Variants in RAB7B observed in about 807,000 individuals in gnomAD.
RAB7B encodes ras-related protein Rab-7b.
intron 4 of RAB7B, among the ~76,000 whole-genome samples, chr1:205,985,969 A>G (rs1660598218): frequency 1.3e-5 from 2 of 152,270 alleles, no homozygotes; most frequent in Non-Finnish European, 2.9e-5. Context: ...ACTTGCCCAG[A>G]GTATGTGAGG....
rs1031429357 is a variant in RAB7B at position 205,992,568 on chromosome 1, C to T, written c.308G>A (p.Arg103Gln). The T allele has an allele frequency of 1.5e-5, 6 of 398,590 alleles. No homozygotes were observed. Among genetic ancestry groups the T allele is most frequent in the East Asian group, 3.6e-5 (1 of 28,094 alleles). 24.7% of individuals were successfully genotyped at this position (398,590 alleles called of 1,614,324 possible). Reference sequence around the variant, plus strand: ...GACAATCTTGGCCAGGACATCACCCCGCCAGATATCCAGGGCTTCAAAAGA... The same window carrying T: ...GACAATCTTGGCCAGGACATCACCCTGCCAGATATCCAGGGCTTCAAAAGA... ...LESFEALDIW[R>Q]GDVLAKIVPM... Residue 103 changes from arginine to glutamine, a missense_variant, in exon 4 of 6, where the codon CGG (arginine) becomes CAG (glutamine). Physicochemically the swap from Arg to Gln is conservative, Grantham distance 43 (BLOSUM62 1). Coordinates refer to ENST00000617070, the MANE Select transcript of RAB7B (RefSeq NM_001164522.3).
At chr1:205,988,031 T>C (rs1227719081) in intron 4 of RAB7B, among the ~76,000 whole-genome samples, 1 of 152,048 alleles carries the variant, frequency 6.6e-6, no homozygotes, top group Non-Finnish European at 1.5e-5. Context: ...AGATAAAATG[T>C]ACCTGGCTCA....
At chr1:205,982,181 T>C (rs898029245) in intron 5 of RAB7B, among the ~76,000 whole-genome samples, 1 of 152,214 alleles carries the variant, frequency 6.6e-6, no homozygotes, top group Admixed American at 6.5e-5. Context: ...ATTATCCCTT[T>C]CTCTCATGAA....
At chr1:205,983,756 A>G (rs1359700310) in intron 5 of RAB7B, 24 of 150,956 alleles carry the variant, frequency 1.6e-4, no homozygotes, top group Admixed American at 1.6e-3. Flanking sequence ...ATTGCTACCC[A>G]TTTATTCTTT....
At chr1:205,997,426 C>A (rs969441741) in intron 1 of RAB7B, among the ~76,000 whole-genome samples, 3,812 of 152,056 alleles carry the variant, frequency 0.025, 153 homozygotes, top group African/African-American at 0.087. Context: ...ATAACCAAAG[C>A]CTTGGGAAGA....
chr1:205,990,757 G>GC (rs1310582237), intron 4 of RAB7B, among the ~76,000 whole-genome samples: 2 of 151,640 alleles, frequency 1.3e-5, no homozygotes, highest in African/African-American at 4.8e-5. Flanking sequence ...CACCTCTCAG[G>GC]CCAGAGAGTG....
At position 205,978,877 on chromosome 1, in the gene RAB7B, C is replaced by G. The variant is rs1660434739; in HGVS notation, c.574G>C (p.Asp192His). ...HLTESIKLSP[D>H]QSRSRCC ...CAGCAGCATCTGCTCCTTGACTGGTCTGGCGAGAGCTTGATGGATTCTGTG... is the reference window on the plus strand; with the variant it reads ...CAGCAGCATCTGCTCCTTGACTGGTGTGGCGAGAGCTTGATGGATTCTGTG... The change falls in exon 6 of 6, where the codon GAC becomes CAC. Residue 192 changes from aspartate (D) to histidine (H), a missense_variant. Transcript: ENST00000617070. 1 of 398,590 alleles carries G rather than the reference C, an allele frequency of 2.5e-6. No homozygotes were observed. Among genetic ancestry groups the G allele is most frequent in the Admixed American group, 4.4e-5 (1 of 22,712 alleles). 24.7% of individuals were successfully genotyped at this position (398,590 alleles called of 1,614,324 possible). A position where few individuals can be genotyped will look rare whatever the true frequency, so the allele number is the denominator to read the frequency against.
At chr1:205,989,510 T>C in intron 4 of RAB7B, among the ~76,000 whole-genome samples, 1 of 152,090 alleles carries the variant, frequency 6.6e-6, no homozygotes, top group Non-Finnish European at 1.5e-5. Flanking sequence ...CCTCTCATGG[T>C]AGCCTCAGAA....
chr1:205,998,065 G>A (rs1445475286), intron 1 of RAB7B, among the ~76,000 whole-genome samples: 1 of 152,190 alleles, frequency 6.6e-6, no homozygotes, highest in Non-Finnish European at 1.5e-5. Context: ...ATCAAAGGCT[G>A]AGAAGGCAGG....
In RAB7B at chr1:206,003,307, C is replaced by G. The variant is rs889623419; in HGVS notation, c.-71G>C. The G allele has an allele frequency of 9.2e-5, 14 of 152,406 alleles. No individual in the cohort carries two copies. The East Asian group carries it at 2.7e-3, about 29-fold the overall frequency. The allele number at this position is 152,406 out of a possible 1,614,324, so 9.4% of individuals were successfully genotyped here. On this transcript the variant is annotated 5_prime_UTR_variant, in exon 1 of 6. Transcript: ENST00000617070. ...CTCTGAGGGCAGCTGGGAGTCCTCT[C>G]TCAGTCTGGTGGTCTCTTCTTAGAG...
intron 4 of RAB7B, among the ~76,000 whole-genome samples, chr1:205,985,890 A>G (rs1660596903): frequency 2.0e-5 from 2 of 100,210 alleles, no homozygotes; most frequent in South Asian, 7.4e-4. Flanking sequence ...AACTTTACAT[A>G]TAAATGTAGG....
chr1:206,001,061 G>A (rs928476525), intron 1 of RAB7B, among the ~76,000 whole-genome samples: 1 of 152,164 alleles, frequency 6.6e-6, no homozygotes, highest in African/African-American at 2.4e-5. Context: ...TATCCTAGAA[G>A]GGCAGGAGTT....
At chr1:206,002,620 T>C (rs1189722555) in intron 1 of RAB7B, among the ~76,000 whole-genome samples, 3 of 152,206 alleles carry the variant, frequency 2.0e-5, no homozygotes, top group Admixed American at 1.3e-4. Context: ...TATTAATACA[T>C]AATACCTAGC....
chr1:205,988,735 G>T (rs1660661846), intron 4 of RAB7B, among the ~76,000 whole-genome samples: 1 of 152,164 alleles, frequency 6.6e-6, no homozygotes, highest in Non-Finnish European at 1.5e-5. Context: ...GAGGGAACCG[G>T]TCCAGGCTGC....
chr1:205,997,457 G>C (rs941513836), intron 1 of RAB7B, among the ~76,000 whole-genome samples: 1 of 152,190 alleles, frequency 6.6e-6, no homozygotes, highest in African/African-American at 2.4e-5. Context: ...GAAAGTGGGC[G>C]ATTTGCTTCA....
chr1:205,989,300 T>G (rs1447051414), intron 4 of RAB7B, among the ~76,000 whole-genome samples: 1 of 152,104 alleles, frequency 6.6e-6, no homozygotes, highest in Non-Finnish European at 1.5e-5. Context: ...GGGGCTGGCT[T>G]GCCTGGTGCC....
At chr1:205,984,916 C>T (rs1260029801) in intron 5 of RAB7B, among the ~76,000 whole-genome samples, 10 of 152,112 alleles carry the variant, frequency 6.6e-5, no homozygotes, top group South Asian at 2.1e-4. Context: ...CCTCTCCTTC[C>T]CTGCAGCATG....
At chr1:205,996,328 C>T (rs961493875) in intron 1 of RAB7B, among the ~76,000 whole-genome samples, 14,655 of 152,196 alleles carry the variant, frequency 0.096, 2,367 homozygotes, top group African/African-American at 0.33. Context: ...TAAACCTTGA[C>T]TTGACTCTGC....
At chr1:205,991,023 T>C (rs1660713949) in intron 4 of RAB7B, among the ~76,000 whole-genome samples, 3 of 152,088 alleles carry the variant, frequency 2.0e-5, no homozygotes, top group African/African-American at 7.2e-5. Flanking sequence ...CGCCTGCCTC[T>C]GCCTCCCAAA....
Sources: gnomAD v4.1 joint callset for allele counts (sites outside exome capture counted in the v4.1 genomes callset) on GRCh38, gnomAD v4.1.1 for gene constraint, MANE v1.5 for transcripts, NCBI Gene and HGNC (gene_info 2026-07-23, HGNC 2026-07-21) for gene names.